The following WASHC3 variants were observed in gnomAD, a reference collection of about 807,000 sequenced individuals.
WASHC3 encodes the protein WASH complex subunit CCDC53.
WASHC3 carries 24 observed loss-of-function variants against 26.1 expected under a neutral mutation model. The ratio of observed to expected loss-of-function variants is 0.92; its 90% confidence interval spans 0.66 to 1.29. The LOEUF (loss-of-function observed/expected upper bound fraction) is 1.29. Among genes scored for constraint, WASHC3 ranks in the 50% most tolerant of loss-of-function variants. The pLI is 0.00. For missense variants in WASHC3, 214 were observed against 229.6 expected (o/e 0.93, Z 0.44); for synonymous variants, 77 against 75.7 (o/e 1.02, Z -0.09).
chr12:102,042,628 G>C (rs1405169149), intron 4 of WASHC3, among the ~76,000 whole-genome samples: 1 of 152,174 alleles, frequency 6.6e-6, no homozygotes, highest in African/African-American at 2.4e-5. Flanking sequence ...TTATAGGGCT[G>C]TTGTAAAGAT....
chr12:102,050,491 C>CACACACACACACACAA (rs776078017), intron 2 of WASHC3: 1 of 412,218 alleles, frequency 2.4e-6, no homozygotes, highest in East Asian at 7.6e-5. Context: ...CACACACACA[C>CACACACACACACACAA]AATTAGCCGG....
chr12:102,022,356 A>G (rs1876995515), intron 6 of WASHC3, among the ~76,000 whole-genome samples: 2 of 152,222 alleles, frequency 1.3e-5, no homozygotes, highest in Admixed American at 1.3e-4. Flanking sequence ...CCTCCATTAA[A>G]ACATTCATAA....
At chr12:102,018,754 G>T (rs1374884772) in intron 6 of WASHC3, among the ~76,000 whole-genome samples, 1 of 152,172 alleles carries the variant, frequency 6.6e-6, no homozygotes, top group Non-Finnish European at 1.5e-5. Context: ...ACAGGCACGA[G>T]CCACTGCACC....
intron 5 of WASHC3, 141 bp downstream of exon 5, chr12:102,039,727 T>C (rs1166822469): frequency 2.4e-5 from 10 of 415,058 alleles, no homozygotes; most frequent in Non-Finnish European, 4.0e-5. Context: ...AGAATTAAAA[T>C]AGAAAGGAAG....
At chr12:102,040,855 T>A (rs549182776) in intron 4 of WASHC3, among the ~76,000 whole-genome samples, 1 of 152,160 alleles carries the variant, frequency 6.6e-6, no homozygotes, top group East Asian at 1.9e-4. Context: ...TATCTGTATA[T>A]AAGCATTAAA....
At chr12:102,058,718 T>C (rs1170150192) in intron 2 of WASHC3, among the ~76,000 whole-genome samples, 1 of 152,154 alleles carries the variant, frequency 6.6e-6, no homozygotes, top group African/African-American at 2.4e-5. Context: ...ATCCAAAGGA[T>C]GTAAAATTAG....
intron 2 of WASHC3, among the ~76,000 whole-genome samples, chr12:102,049,860 A>G (rs1878317556): frequency 6.6e-6 from 1 of 152,242 alleles, no homozygotes; most frequent in Admixed American, 6.5e-5. Flanking sequence ...ATCTGATTAA[A>G]GGTTAAGTCC....
At chr12:102,035,025 G>C (rs2121385375) in intron 5 of WASHC3, among the ~76,000 whole-genome samples, 1 of 152,144 alleles carries the variant, frequency 6.6e-6, no homozygotes, top group East Asian at 1.9e-4. Context: ...ACCCCTAAGT[G>C]AGGCTAAAAG....
Position 102,051,727 on chromosome 12 carries a change from T to C in WASHC3, c.151-5608A>G, listed in dbSNP as rs184289521. ...CAACTACTGGGGGCATGCAAAGATA[T>C]GTTGAATGAATGAATGACTAAGCAA... On this transcript the variant is annotated intron_variant, in intron 2 of 6. Coordinates refer to ENST00000240079, the MANE Select transcript of WASHC3 (RefSeq NM_016053.4). 3.3e-3 allele frequency among the ~76,000 whole-genome samples: 507 copies of C among 152,322 alleles called. 4 individuals are homozygous for C. Among genetic ancestry groups the C allele is most frequent in the Middle Eastern group, 0.014 (4 of 294 alleles).
chr12:102,040,355 T>C (rs563171040), intron 4 of WASHC3: 1 of 152,496 alleles, frequency 6.6e-6, no homozygotes, highest in Non-Finnish European at 1.5e-5. Flanking sequence ...TGTTTACAAA[T>C]TAATAATAAA....
At chr12:102,046,949 G>A (rs1878191234) in intron 2 of WASHC3, among the ~76,000 whole-genome samples, 1 of 152,166 alleles carries the variant, frequency 6.6e-6, no homozygotes, top group Non-Finnish European at 1.5e-5. Context: ...AATGGAATTG[G>A]AAGATGAGTA....
chr12:102,026,813 C>T (rs909251964), intron 5 of WASHC3, among the ~76,000 whole-genome samples: 1 of 152,162 alleles, frequency 6.6e-6, no homozygotes, highest in African/African-American at 2.4e-5. Context: ...CCTCTCTTCA[C>T]ACCATCCCCA....
intron 4 of WASHC3, among the ~76,000 whole-genome samples, chr12:102,041,148 T>C (rs1409316972): frequency 6.6e-6 from 1 of 151,812 alleles, no homozygotes; most frequent in Non-Finnish European, 1.5e-5. Flanking sequence ...CATATTCATC[T>C]ATAATACAAA....
chr12:102,047,744 A>T (rs1878222024), intron 2 of WASHC3, among the ~76,000 whole-genome samples: 1 of 152,210 alleles, frequency 6.6e-6, no homozygotes, highest in South Asian at 2.1e-4. Flanking sequence ...GAAACAAAAA[A>T]ATGGAATTAA....
chr12:102,039,887 T>C lies in WASHC3; in HGVS notation c.416A>G (p.Tyr139Cys). ...GCTTACCACTTGAACCATTTTGAGA[T>C]ATCTGGCATATCTTGGATCCTTGGC... ...TVAKDPRYAR[Y>C]LKMVQVGVPV... The change falls in exon 5 of 7, where the codon TAT becomes TGT. Residue 139 changes from tyrosine (Y) to cysteine (C), a missense_variant. By Grantham distance (194) the Tyr-to-Cys change is radical. Coordinates refer to ENST00000240079, the MANE Select transcript of WASHC3 (RefSeq NM_016053.4). The C allele has an allele frequency of 6.4e-7, 1 of 1,571,884 alleles. No individual in the cohort carries two copies. The highest frequency in any genetic ancestry group is 8.8e-7 in the Non-Finnish European group (1 of 1,142,140).
chr12:102,057,897 T>TAGA (rs1878655410), intron 2 of WASHC3, among the ~76,000 whole-genome samples: 1 of 151,436 alleles, frequency 6.6e-6, no homozygotes, highest in Non-Finnish European at 1.5e-5. Context: ...TTCACAGTAA[T>TAGA]AGAAAAAAAA....
chr12:102,061,389 T>C (rs561071846), intron 1 of WASHC3, 43 bp from the exon 2 acceptor site: 23 of 1,263,840 alleles, frequency 1.8e-5, no homozygotes, highest in Middle Eastern at 3.8e-4. Context: ...AGGAGGAACG[T>C]ACACAGTGCA....
At chr12:102,021,350 A>T (rs544129044) in intron 6 of WASHC3, among the ~76,000 whole-genome samples, 1 of 152,196 alleles carries the variant, frequency 6.6e-6, no homozygotes, top group East Asian at 1.9e-4. Context: ...GAAGAAAAAG[A>T]AAAGCAGCTG....
At chr12:102,057,130 G>A (rs1358484314) in intron 2 of WASHC3, among the ~76,000 whole-genome samples, 2 of 152,114 alleles carry the variant, frequency 1.3e-5, no homozygotes, top group African/African-American at 4.8e-5. Context: ...ATCAGTAAAG[G>A]TGATACATCA....
Sources: allele counts gnomAD v4.1 joint callset (sites outside exome capture counted in the v4.1 genomes callset), GRCh38; gene constraint gnomAD v4.1.1; transcripts MANE v1.5; gene names NCBI Gene and HGNC (gene_info 2026-07-23, HGNC 2026-07-21).